The following DNAJC25 variants were observed in gnomAD, a reference collection of about 807,000 sequenced individuals.
DNAJC25 encodes DnaJ heat shock protein family (Hsp40) member C25, also known as dnaJ homolog subfamily C member 25.
Under a neutral mutation model 42.1 loss-of-function variants are expected in DNAJC25, and 26 were observed. The observed-to-expected ratio is 0.62, with a 90% CI of 0.45 to 0.86. The LOEUF (loss-of-function observed/expected upper bound fraction) is 0.86. Among genes scored for constraint, DNAJC25 ranks in the 40% least tolerant of loss-of-function variants. DNAJC25 has a pLI of 0.00. For missense variants in DNAJC25, 404 were observed against 459.4 expected (o/e 0.88, Z 1.10); for synonymous variants, 189 against 179.9 (o/e 1.05, Z -0.40).
rs1234305436 is a variant in DNAJC25, at chr9:111,649,577, G to A, written c.614G>A (p.Gly205Asp). ...CTGCTCAAAAAAGCCAAAGAAAAAG[G>A]CAAAAACAAAAAGTCCAAAGAAGAA... ...QGLLKKAKEKGKNKKSKEEIR... is the reference protein window; with the variant it reads ...QGLLKKAKEKDKNKKSKEEIR... The change falls in exon 3 of 4, where the codon GGC (glycine) becomes GAC (aspartate). Residue 205 changes from glycine (G) to aspartate (D), a missense_variant. By Grantham distance (94) the Gly-to-Asp change is moderately conservative. Coordinates refer to ENST00000313525, the MANE Select transcript of DNAJC25 (RefSeq NM_001015882.3). The A allele has an allele frequency of 3.1e-6, 5 of 1,613,946 alleles. No individual in the cohort carries two copies. The highest frequency in any genetic ancestry group is 1.7e-6 in the Non-Finnish European group (2 of 1,179,968).
At chr9:111,651,263 CAAA>C (rs10555875) in intron 3 of DNAJC25, among the ~76,000 whole-genome samples, 342 of 104,958 alleles carry the variant, frequency 3.3e-3, no homozygotes, top group Middle Eastern at 0.015. Flanking sequence ...GACTCTATCT[CAAA>C]AAAAAAAAAA....
At chr9:111,639,451 G>T (rs1830411410) in intron 1 of DNAJC25, among the ~76,000 whole-genome samples, 1 of 152,144 alleles carries the variant, frequency 6.6e-6, no homozygotes, top group Non-Finnish European at 1.5e-5. Flanking sequence ...ACAGTTACAA[G>T]CATTACTAGT....
chr9:111,652,149 TA>T (rs1830670418), intron 3 of DNAJC25, among the ~76,000 whole-genome samples: 1 of 152,172 alleles, frequency 6.6e-6, no homozygotes, highest in Non-Finnish European at 1.5e-5. Flanking sequence ...TTAAGCCCTT[TA>T]AACTCAGTCA....
At chr9:111,643,398 G>T (rs533626363) in intron 1 of DNAJC25, among the ~76,000 whole-genome samples, 1 of 152,292 alleles carries the variant, frequency 6.6e-6, no homozygotes, top group South Asian at 2.1e-4. Context: ...AAAAACTGAT[G>T]ATTACAATGT....
intron 1 of DNAJC25, among the ~76,000 whole-genome samples, chr9:111,643,734 A>T (rs534015956): frequency 4.7e-5 from 6 of 126,480 alleles, no homozygotes; most frequent in East Asian, 2.0e-4. Context: ...ACTGGAGATT[A>T]AAAAAAAAAA....
At chr9:111,640,505 A>C (rs1468614898) in intron 1 of DNAJC25, among the ~76,000 whole-genome samples, 7 of 60,784 alleles carry the variant, frequency 1.2e-4, no homozygotes, top group African/African-American at 5.0e-4. Context: ...AGCCGCCATC[A>C]CATCTAGGAA....
intron 1 of DNAJC25, among the ~76,000 whole-genome samples, chr9:111,644,203 C>G (rs918855673): frequency 6.6e-6 from 1 of 152,210 alleles, no homozygotes. Context: ...AAAGAGAAGT[C>G]AGACTTGACC....
chr9:111,639,945 C>CGT (rs1564083874), intron 1 of DNAJC25, among the ~76,000 whole-genome samples: 153 of 148,956 alleles, frequency 1.0e-3, no homozygotes, highest in African/African-American at 3.3e-3. Flanking sequence ...TCTCCGTCTC[C>CGT]GTCTCCGTCT....
chr9:111,635,907 C>T (rs958954225), intron 1 of DNAJC25, among the ~76,000 whole-genome samples: 2 of 152,212 alleles, frequency 1.3e-5, no homozygotes, highest in South Asian at 2.1e-4. Context: ...TCTGAACTCC[C>T]TGCCCTGTTA....
chr9:111,637,752 TTCC>T lies in DNAJC25; in HGVS notation c.336+6017_336+6019del, dbSNP rs547412979. Among the ~76,000 whole-genome samples, 334 of 152,344 alleles carry T rather than the reference TTCC, an allele frequency of 2.2e-3. 2 individuals are homozygous for T. Among genetic ancestry groups the T allele is most frequent in the Non-Finnish European group, 3.7e-3 (252 of 68,030 alleles). On this transcript the variant is annotated intron_variant, in intron 1 of 3. Transcript: ENST00000313525. ...GATCAGATTGACTGCTCTTCATTTCTTCCTCCTCCTGGAACTTTGTGTCATGTG... is the reference window on the plus strand; with the variant it reads ...GATCAGATTGACTGCTCTTCATTTCTTCCTCCTGGAACTTTGTGTCATGTG...
chr9:111,641,980 A>G (rs1181565601), intron 1 of DNAJC25, among the ~76,000 whole-genome samples: 5 of 91,314 alleles, frequency 5.5e-5, no homozygotes, highest in East Asian at 3.9e-4. Context: ...TCCGGGAGGG[A>G]GGTGGGGGGG....
At chr9:111,633,189 C>T (rs1589339292) in intron 1 of DNAJC25, among the ~76,000 whole-genome samples, 1 of 152,106 alleles carries the variant, frequency 6.6e-6, no homozygotes, top group South Asian at 2.1e-4. Flanking sequence ...CCTGCTGGTG[C>T]GTGAGGGAGC....
In DNAJC25 at chr9:111,649,519, A is replaced by T. The variant is rs751812581; in HGVS notation, c.556A>T (p.Ile186Phe). ...CCTAGCCACAGTGCCCAAGTACCGT[A>T]TCCAAGCTACAGAGATTGCCAAGCA... ...SYLATVPKYR[I>F]QATEIAKQQG... The change falls in exon 3 of 4, where the codon ATC (isoleucine) becomes TTC (phenylalanine). Residue 186 changes from isoleucine (I) to phenylalanine (F), a missense_variant. Coordinates refer to ENST00000313525, the MANE Select transcript of DNAJC25 (RefSeq NM_001015882.3). 5.0e-6 allele frequency: 8 copies of T among 1,613,790 alleles called. No homozygotes were observed. The highest frequency in any genetic ancestry group is 6.8e-6 in the Non-Finnish European group (8 of 1,179,954).
intron 2 of DNAJC25, among the ~76,000 whole-genome samples, 163 bp from the exon 3 acceptor site, chr9:111,649,290 C>T (rs751807748): frequency 4.6e-5 from 7 of 151,938 alleles, no homozygotes; most frequent in African/African-American, 9.7e-5. Context: ...GCATGGGCTT[C>T]GTTCAGTTGT....
rs373314600 is a variant in DNAJC25 at position 111,643,115 on chromosome 9, A to G, written c.337-3992A>G. The G allele has an allele frequency of 3.0e-4, 93 of 309,260 alleles. No individual in the cohort carries two copies. The East Asian group carries it at 7.1e-3, about 24-fold the overall frequency. 19.2% of individuals were successfully genotyped at this position (309,260 alleles called of 1,614,324 possible). A position where few individuals can be genotyped will look rare whatever the true frequency, so the allele number is the denominator to read the frequency against. ...GAAAGGTAAGATATTAAACTGTTTT[A>G]AGGTTTAAGCTATGTTAGCCACAGT... On this transcript the variant is annotated intron_variant, in intron 1 of 3. Transcript: ENST00000313525.
At position 111,631,846 on chromosome 9, in the gene DNAJC25, C is replaced by G. The variant is rs961899516; in HGVS notation, c.336+103C>G. The G allele has an allele frequency of 7.1e-6, 10 of 1,403,664 alleles. No homozygotes were observed. The African/African-American group carries it at 1.1e-4, about 15-fold the overall frequency. The allele number at this position is 1,403,664 out of a possible 1,614,324, so 87.0% of individuals were successfully genotyped here. A position where few individuals can be genotyped will look rare whatever the true frequency, so the allele number is the denominator to read the frequency against. On this transcript the variant is annotated intron_variant, in intron 1 of 3. Transcript: ENST00000313525. ...AGCGTGGGCCTCTGTGACCCCGAAA[C>G]TGAGCACAGCCACCACCGCGACCTT...
intron 1 of DNAJC25, chr9:111,642,841 A>G (rs1830503762): frequency 4.2e-6 from 2 of 470,722 alleles, no homozygotes; most frequent in Non-Finnish European, 8.8e-6. Flanking sequence ...TGATCTAGAT[A>G]TTGGTTATGT....
chr9:111,651,440 T>C (rs189554819), intron 3 of DNAJC25, among the ~76,000 whole-genome samples: 16 of 152,214 alleles, frequency 1.1e-4, no homozygotes, highest in African/African-American at 3.9e-4. Flanking sequence ...TAGGGTGCTA[T>C]TGTGGGGTGA....
chr9:111,638,189 C>G (rs1195131175), intron 1 of DNAJC25, among the ~76,000 whole-genome samples: 1 of 152,148 alleles, frequency 6.6e-6, no homozygotes, highest in African/African-American at 2.4e-5. Flanking sequence ...GAACATGTGT[C>G]AGAGATTTTA....
Sources: allele counts gnomAD v4.1 joint callset (sites outside exome capture counted in the v4.1 genomes callset), GRCh38; gene constraint gnomAD v4.1.1; transcripts MANE v1.5; gene names NCBI Gene and HGNC (gene_info 2026-07-23, HGNC 2026-07-21).